Variants in CDK18 observed in about 807,000 individuals in gnomAD.
CDK18 encodes the protein cyclin-dependent kinase 18.
CDK18 carries 52 observed loss-of-function variants against 62.0 expected under a neutral mutation model. The observed-to-expected ratio is 0.84, with a 90% CI of 0.67 to 1.06. The LOEUF is 1.06. Ranked by LOEUF, CDK18 falls within the 50% of genes least tolerant of loss-of-function variation. The pLI is 0.00. For synonymous variants in CDK18, 237 were observed against 247.0 expected (o/e 0.96, Z 0.38); for missense variants, 604 against 619.9 (o/e 0.97, Z 0.27).
At chr1:205,510,476 C>T (rs1667515502) in intron 1 of CDK18, among the ~76,000 whole-genome samples, 1 of 152,228 alleles carries the variant, frequency 6.6e-6, no homozygotes, top group South Asian at 2.1e-4. Flanking sequence ...CCTCCCTGAT[C>T]CTGCCGTGGA....
rs996257322 is a variant in CDK18, at chr1:205,517,513, C to T, written c.-21-5634C>T. On this transcript the variant is annotated intron_variant, in intron 1 of 15. Coordinates refer to ENST00000429964, the MANE Select transcript of CDK18 (RefSeq NM_212502.3). The surrounding 1 kb of genome is among the most constrained non-coding windows in gnomAD (Gnocchi z 4.1). ...GCATGTTTGCTCAGATACCACTGTA[C>T]GTTGAAAATGTCACCTGCCCAACAT... is the stretch of plus-strand genomic sequence containing the variant. Among the ~76,000 whole-genome samples, 2 of 152,132 alleles carry T rather than the reference C, an allele frequency of 1.3e-5. No homozygotes were observed. The highest frequency in any genetic ancestry group is 2.1e-4 in the South Asian group (1 of 4,832).
chr1:205,511,646 C>T (rs377342804), intron 1 of CDK18, among the ~76,000 whole-genome samples: 3 of 152,228 alleles, frequency 2.0e-5, no homozygotes, highest in East Asian at 1.9e-4. Flanking sequence ...TGACTTACCA[C>T]CTTCTGGGTT....
intron 1 of CDK18, among the ~76,000 whole-genome samples, chr1:205,513,007 A>G (rs1451991086): frequency 1.3e-5 from 2 of 152,126 alleles, no homozygotes; most frequent in Non-Finnish European, 2.9e-5. Flanking sequence ...TGGCTGAGAG[A>G]GGGCTATTGG....
chr1:205,515,010 G>A (rs753461539), intron 1 of CDK18, among the ~76,000 whole-genome samples: 1 of 152,098 alleles, frequency 6.6e-6, no homozygotes, highest in African/African-American at 2.4e-5. Context: ...AAAGCTGTGG[G>A]GTGTGAGTGG....
chr1:205,523,855 C>T (rs1399853276), intron 3 of CDK18: 1 of 640,416 alleles, frequency 1.6e-6, no homozygotes, highest in African/African-American at 1.8e-5. Context: ...GTGCTTAGAA[C>T]ATTCCTGAAT....
Position 205,528,140 on chromosome 1 carries a change from A to G in CDK18, c.946A>G (p.Thr316Ala), listed in dbSNP as rs1668536731. ...GCCCCCCGATGTGCTGCTGGGATCC[A>G]CAGAGTACTCCACCCCCATTGATAT... ...YRPPDVLLGS[T>A]EYSTPIDMWG... is the part of the protein sequence containing the mutation. Residue 316 changes from threonine to alanine, a missense_variant, in exon 10 of 16, where the codon ACA becomes GCA. Physicochemically the swap from Thr to Ala is moderately conservative, Grantham distance 58. Transcript: ENST00000429964. The surrounding 1 kb of genome is among the most constrained non-coding windows in gnomAD (Gnocchi z 4.2). 1 of 1,613,784 alleles carries G rather than the reference A, an allele frequency of 6.2e-7. No homozygotes were observed.
At chr1:205,510,728 C>T (rs1032262821) in intron 1 of CDK18, among the ~76,000 whole-genome samples, 4 of 152,262 alleles carry the variant, frequency 2.6e-5, no homozygotes, top group African/African-American at 7.2e-5. Flanking sequence ...TCAGTGGCCT[C>T]GGGCAGATCG....
rs1351236010 is a variant in CDK18, at chr1:205,526,876, C to T, written c.729+39C>T. The T allele has an allele frequency of 2.6e-6, 4 of 1,550,988 alleles. No homozygotes were observed. The African/African-American group carries it at 4.1e-5, about 16-fold the overall frequency. On this transcript the variant is annotated intron_variant, in intron 8 of 15. Transcript: ENST00000429964. Reference sequence around the variant, plus strand: ...GGCAGGGTCCCCCCATCTTGGCAGCCACCTGTCCAGAAGCCCAGTGTGGGG... The same window carrying T: ...GGCAGGGTCCCCCCATCTTGGCAGCTACCTGTCCAGAAGCCCAGTGTGGGG...
Position 205,523,401 on chromosome 1 carries a change from C to A in CDK18, c.131-82C>A. 3 of 1,597,314 alleles carry A rather than the reference C, an allele frequency of 1.9e-6. No homozygotes were observed. The South Asian group carries it at 3.3e-5, about 18-fold the overall frequency. On this transcript the variant is annotated intron_variant, in intron 2 of 15. Coordinates refer to ENST00000429964, the MANE Select transcript of CDK18 (RefSeq NM_212502.3). ...CTCCCCACTGGCCTTAGGGGAGGAG[C>A]ACAGCGCTGGGGGAGGGGGGCTACC...
At chr1:205,511,811 T>G (rs528091106) in intron 1 of CDK18, among the ~76,000 whole-genome samples, 1 of 152,322 alleles carries the variant, frequency 6.6e-6, no homozygotes, top group Admixed American at 6.5e-5. Context: ...CCTAGCACTT[T>G]GGGAGGCCGA....
At chr1:205,512,460 G>C (rs1282565838) in intron 1 of CDK18, among the ~76,000 whole-genome samples, 1 of 152,230 alleles carries the variant, frequency 6.6e-6, no homozygotes. Flanking sequence ...GCTGAACCCT[G>C]GTGAGTGAGT....
Position 205,527,046 on chromosome 1 carries a change from G to A in CDK18, c.729+209G>A. 1.7e-6 allele frequency: 1 copy of A among 575,310 alleles called. No homozygotes were observed. The highest frequency in any genetic ancestry group is 3.1e-6 in the Non-Finnish European group (1 of 320,706). The allele number at this position is 575,310 out of a possible 1,614,324, so 35.6% of individuals were successfully genotyped here. A position where few individuals can be genotyped will look rare whatever the true frequency, so the allele number is the denominator to read the frequency against. The stretch of plus-strand genomic sequence containing the variant: ...GAACAGACACACACTGTCTGCCACT[G>A]TCTAGCTGTTGGTATAAAACCCACT... On this transcript the variant is annotated intron_variant, in intron 8 of 15. Coordinates refer to ENST00000429964, the MANE Select transcript of CDK18 (RefSeq NM_212502.3). This position sits in a 1 kb window ranked among gnomAD's most constrained non-coding sequence, Gnocchi z 4.1.
intron 1 of CDK18, among the ~76,000 whole-genome samples, chr1:205,513,340 T>G (rs990532817): frequency 2.0e-5 from 3 of 152,246 alleles, no homozygotes; most frequent in African/African-American, 7.2e-5. Context: ...CCCCTTGCTC[T>G]GGTCTCTGAT....
intron 4 of CDK18, 115 bp downstream of exon 4, chr1:205,524,472 T>G: frequency 8.3e-7 from 1 of 1,200,380 alleles, no homozygotes; most frequent in Non-Finnish European, 1.2e-6. Flanking sequence ...CCTGGGCCTC[T>G]GGTGCCACCT....
At position 205,523,219 on chromosome 1, in the gene CDK18, C is replaced by T. The variant is rs1473654664; in HGVS notation, c.52C>T (p.Pro18Ser). Residue 18 changes from proline (P) to serine (S), a missense_variant, in exon 2 of 16, where the codon CCC (proline) becomes TCC (serine). By Grantham distance (74) the Pro-to-Ser change is moderately conservative (BLOSUM62 -1). Coordinates refer to ENST00000429964, the MANE Select transcript of CDK18 (RefSeq NM_212502.3). ...TAAGCGCCGTTTCTCCCTGTCAGTG[C>T]CCCGCACTGAGACCATTGAAGAATC... Reference protein sequence around the residue: ...NFKRRFSLSVPRTETIEESLA... With the variant: ...NFKRRFSLSVSRTETIEESLA... The T allele has an allele frequency of 1.9e-6, 3 of 1,614,088 alleles. No individual in the cohort carries two copies. Among genetic ancestry groups the T allele is most frequent in the South Asian group, 2.2e-5 (2 of 91,078 alleles).
Position 205,526,176 on chromosome 1 carries a change from G to C in CDK18, c.568G>C (p.Glu190Gln). The change falls in exon 6 of 16, where the codon GAG becomes CAG. Residue 190 changes from glutamate to glutamine, a missense_variant. Glu to Gln is a conservative substitution (Grantham distance 29, BLOSUM62 2). Coordinates refer to ENST00000429964, the MANE Select transcript of CDK18 (RefSeq NM_212502.3). ...EEGAPCTAIR[E>Q]VSLLKNLKHA... ...GGGAGCGCCCTGCACTGCCATCCGAGAGGGTACAGCATCCTAGGCTCCCAC... is the reference window on the plus strand; with the variant it reads ...GGGAGCGCCCTGCACTGCCATCCGACAGGGTACAGCATCCTAGGCTCCCAC... The C allele has an allele frequency of 6.2e-7, 1 of 1,613,100 alleles. No individual in the cohort carries two copies. The highest frequency in any genetic ancestry group is 8.5e-7 in the Non-Finnish European group (1 of 1,179,208).
Position 205,528,178 on chromosome 1 carries a change from C to T in CDK18, c.974+10C>T, listed in dbSNP as rs1284399690. ...CCCCCATTGATATGTGGTGAGTGAG[C>T]ACTGTGGGGACCGAGGAGGGGAGGA... On this transcript the variant is annotated intron_variant, in intron 10 of 15. Transcript: ENST00000429964. The surrounding 1 kb of genome is among the most constrained non-coding windows in gnomAD (Gnocchi z 4.2). 13 of 1,613,102 alleles carry T rather than the reference C, an allele frequency of 8.1e-6. No individual in the cohort carries two copies. The East Asian group carries it at 2.9e-4, about 36-fold the overall frequency.
In CDK18 at chr1:205,526,190, C is replaced by A; in HGVS notation, c.571+11C>A. ...CTGCCATCCGAGAGGGTACAGCATC[C>A]TAGGCTCCCACGCTCCCCTGGGGGC... On this transcript the variant is annotated intron_variant, in intron 6 of 15. Coordinates refer to ENST00000429964, the MANE Select transcript of CDK18 (RefSeq NM_212502.3). The A allele has an allele frequency of 6.2e-7, 1 of 1,608,012 alleles. No homozygotes were observed. The highest frequency in any genetic ancestry group is 8.5e-7 in the Non-Finnish European group (1 of 1,174,950).
intron 13 of CDK18, 52 bp downstream of exon 13, chr1:205,529,615 C>T: frequency 6.2e-7 from 1 of 1,613,036 alleles, no homozygotes; most frequent in Non-Finnish European, 8.5e-7. Flanking sequence ...GAGCCAGGTC[C>T]CTGTGCCCCA....
Sources: gnomAD v4.1 joint callset for allele counts (sites outside exome capture counted in the v4.1 genomes callset) on GRCh38, gnomAD v4.1.1 for gene constraint, Gnocchi (gnomAD v3.1) non-coding constraint, MANE v1.5 for transcripts, NCBI Gene and HGNC (gene_info 2026-07-23, HGNC 2026-07-21) for gene names.